Variants in LRRFIP2 observed in about 807,000 individuals in gnomAD.
The protein encoded by LRRFIP2 is leucine-rich repeat flightless-interacting protein 2.
LRRFIP2 carries 109 observed loss-of-function variants against 125.9 expected under a neutral mutation model. That is an observed-to-expected ratio of 0.87 (90% CI 0.74 to 1.01). The LOEUF (loss-of-function observed/expected upper bound fraction) is 1.01, where lower values mean the gene tolerates loss of function less well. Among genes scored for constraint, LRRFIP2 ranks in the 50% least tolerant of loss-of-function variants. LRRFIP2 has a pLI of 0.00. For synonymous variants in LRRFIP2, 291 were observed against 293.1 expected (o/e 0.99, Z 0.07); for missense variants, 850 against 862.3 (o/e 0.99, Z 0.18).
In LRRFIP2 at chr3:37,085,708, C is replaced by A. The variant is rs541283800; in HGVS notation, c.1108-1902G>T. 2.7e-3 allele frequency among the ~76,000 whole-genome samples: 413 copies of A among 151,626 alleles called. 2 individuals carry two copies. Among genetic ancestry groups the A allele is most frequent in the African/African-American group, 9.7e-3 (402 of 41,382 alleles). On this transcript the variant is annotated intron_variant, in intron 18 of 27. Coordinates refer to ENST00000336686, the MANE Select transcript of LRRFIP2 (RefSeq NM_006309.4). ...GCGATTCTCCTGCCTCAGCCTCCCGCGTAGCTGGAATTACAGGCACACATC... is the reference window on the plus strand; with the variant it reads ...GCGATTCTCCTGCCTCAGCCTCCCGAGTAGCTGGAATTACAGGCACACATC...
At chr3:37,130,439 G>A (rs577473157) in intron 2 of LRRFIP2, among the ~76,000 whole-genome samples, 1 of 152,226 alleles carries the variant, frequency 6.6e-6, no homozygotes, top group East Asian at 1.9e-4. Context: ...CACAAAGGGA[G>A]GAACAGAAAG....
At chr3:37,069,712 T>A (rs1435327648) in intron 21 of LRRFIP2, among the ~76,000 whole-genome samples, 1 of 152,246 alleles carries the variant, frequency 6.6e-6, no homozygotes, top group South Asian at 2.1e-4. Context: ...GTAAATTTTA[T>A]GTTATTTGTA....
chr3:37,076,240 T>G (rs986476886), intron 19 of LRRFIP2, among the ~76,000 whole-genome samples: 1 of 152,164 alleles, frequency 6.6e-6, no homozygotes, highest in Non-Finnish European at 1.5e-5. Context: ...ATAAAAATTT[T>G]GGGCTGGGCA....
At chr3:37,132,050 G>T (rs1577150517) in intron 2 of LRRFIP2, among the ~76,000 whole-genome samples, 1 of 151,954 alleles carries the variant, frequency 6.6e-6, no homozygotes, top group South Asian at 2.1e-4. Flanking sequence ...TTTTACACTG[G>T]CCTCCGTCTT....
intron 6 of LRRFIP2, among the ~76,000 whole-genome samples, chr3:37,120,105 C>CTTT (rs201402337): frequency 3.9e-5 from 5 of 129,498 alleles, no homozygotes; most frequent in Admixed American, 7.8e-5. Flanking sequence ...TGTTAATATT[C>CTTT]TTTTTTTTTT....
intron 1 of LRRFIP2, among the ~76,000 whole-genome samples, chr3:37,168,479 CAT>C (rs112914797): frequency 8.1e-4 from 124 of 152,164 alleles, no homozygotes; most frequent in African/African-American, 3.0e-3. Flanking sequence ...TACACAAATT[CAT>C]AGAGTCAAAA....
rs192990073 is a variant in LRRFIP2, at chr3:37,055,743, G to A, written c.1871-578C>T. ...CCTATGATATGTGTGAGCAGGGCTT[G>A]AGAAAGGAGCCCTGCCAATTCAGCA... On this transcript the variant is annotated intron_variant, in intron 25 of 27. Coordinates refer to ENST00000336686, the MANE Select transcript of LRRFIP2 (RefSeq NM_006309.4). Among the ~76,000 whole-genome samples the A allele has an allele frequency of 3.4e-3, 523 of 152,286 alleles. 2 individuals are homozygous for A. Among genetic ancestry groups the A allele is most frequent in the African/African-American group, 0.012 (501 of 41,558 alleles).
intron 14 of LRRFIP2, among the ~76,000 whole-genome samples, 196 bp downstream of exon 14, chr3:37,105,259 T>C (rs532810785): frequency 1.3e-5 from 2 of 152,360 alleles, no homozygotes; most frequent in East Asian, 3.9e-4. Context: ...AGGCAAATTA[T>C]TAATGAAAGC....
At chr3:37,100,393 T>C (rs1435660382) in intron 15 of LRRFIP2, among the ~76,000 whole-genome samples, 1 of 151,822 alleles carries the variant, frequency 6.6e-6, no homozygotes, top group East Asian at 1.9e-4. Context: ...CATACATACA[T>C]ACATGTGTAT....
chr3:37,081,079 G>T (rs1340004457), intron 19 of LRRFIP2, among the ~76,000 whole-genome samples: 1 of 152,008 alleles, frequency 6.6e-6, no homozygotes, highest in Non-Finnish European at 1.5e-5. Context: ...ATACAGCAAG[G>T]CCCCATCTCC....
intron 9 of LRRFIP2, 90 bp from the exon 10 acceptor site, chr3:37,109,793 A>AT: frequency 4.6e-6 from 5 of 1,085,904 alleles, no homozygotes; most frequent in Non-Finnish European, 6.9e-6. Context: ...TAAGTTTATG[A>AT]TTTTATACTC....
chr3:37,074,222 G>A (rs1463683264), intron 20 of LRRFIP2, among the ~76,000 whole-genome samples: 1 of 152,200 alleles, frequency 6.6e-6, no homozygotes, highest in Non-Finnish European at 1.5e-5. Context: ...TAAGGTCTGA[G>A]TAGCCAGGAA....
chr3:37,113,478 A>C (rs2094633544), intron 7 of LRRFIP2, among the ~76,000 whole-genome samples: 1 of 152,022 alleles, frequency 6.6e-6, no homozygotes, highest in African/African-American at 2.4e-5. Context: ...GGGTTGGGGG[A>C]ACAGGTAGAG....
chr3:37,173,504 C>T (rs2096614510), intron 1 of LRRFIP2, among the ~76,000 whole-genome samples: 1 of 152,130 alleles, frequency 6.6e-6, no homozygotes, highest in Non-Finnish European at 1.5e-5. Flanking sequence ...GCAGACTGAA[C>T]AAAGTAGTAC....
At chr3:37,074,497 G>A (rs1004698109) in intron 20 of LRRFIP2, among the ~76,000 whole-genome samples, 13 of 152,178 alleles carry the variant, frequency 8.5e-5, no homozygotes, top group African/African-American at 3.1e-4. Context: ...GTTCTTGGTA[G>A]ACTATGCTTC....
chr3:37,107,105 T>G (rs1441370636), intron 13 of LRRFIP2, among the ~76,000 whole-genome samples: 4 of 152,050 alleles, frequency 2.6e-5, no homozygotes, highest in Non-Finnish European at 4.4e-5. Context: ...GGTTTCACCA[T>G]GTCGGTCAGG....
intron 15 of LRRFIP2, among the ~76,000 whole-genome samples, chr3:37,098,688 T>C (rs896658014): frequency 1.3e-5 from 2 of 152,084 alleles, no homozygotes; most frequent in Admixed American, 6.5e-5. Context: ...CCACCATGCC[T>C]GGCCTGAAAT....
intron 25 of LRRFIP2, among the ~76,000 whole-genome samples, chr3:37,056,516 C>T (rs1024313998): frequency 6.6e-6 from 1 of 151,254 alleles, no homozygotes; most frequent in African/African-American, 2.4e-5. Context: ...TGCAGTGGCG[C>T]GATCTCGGCT....
At chr3:37,104,890 A>C (rs1322558035) in intron 14 of LRRFIP2, among the ~76,000 whole-genome samples, 1 of 151,038 alleles carries the variant, frequency 6.6e-6, no homozygotes. Context: ...TGCTACCCAC[A>C]CTGGAGTGCA....
Sources: gnomAD v4.1 joint callset for allele counts (sites outside exome capture counted in the v4.1 genomes callset) on GRCh38, gnomAD v4.1.1 for gene constraint, MANE v1.5 for transcripts, NCBI Gene and HGNC (gene_info 2026-07-23, HGNC 2026-07-21) for gene names.